CSMD1: variants seen among roughly 807,000 people sequenced by gnomAD.
CSMD1 encodes the protein CUB and Sushi multiple domains 1.
A neutral mutation model predicts 417.5 loss-of-function variants in CSMD1; 213 were observed. The ratio of observed to expected loss-of-function variants is 0.51; its 90% confidence interval spans 0.46 to 0.57. The LOEUF is 0.57. Ranked by LOEUF, CSMD1 falls within the 20% of genes least tolerant of loss-of-function variation. CSMD1 has a pLI of 0.00. For missense variants in CSMD1, 6,923 were observed against 4,529.7 expected, an observed-to-expected ratio of 1.53 and a Z score of -15.17; for synonymous variants, 2,862 against 1,736.8, an observed-to-expected ratio of 1.65 and a Z score of -16.11.
chr8:4,605,021 C>T (rs540111954), intron 2 of CSMD1, among the ~76,000 whole-genome samples: 3 of 152,130 alleles, frequency 2.0e-5, no homozygotes, highest in Non-Finnish European at 2.9e-5. Context: ...AAAGCAACAA[C>T]CCCCATGATA....
rs2117163797 is a variant in CSMD1 at position 3,615,816 on chromosome 8, C to T, written c.1097+894G>A. Among the ~76,000 whole-genome samples the T allele has an allele frequency of 1.3e-5, 2 of 152,176 alleles. 1 individual carries two copies. Among genetic ancestry groups the T allele is most frequent in the South Asian group, 4.1e-4 (2 of 4,824 alleles). On this transcript the variant is annotated intron_variant, in intron 8 of 69. Coordinates refer to ENST00000635120, the MANE Select transcript of CSMD1 (RefSeq NM_033225.6). Reference sequence around the variant, plus strand: ...AAGGAAAAACACATATCTTGTTTCTCTTTACTATTTTATTTTACAGCTGCT... The same window carrying T: ...AAGGAAAAACACATATCTTGTTTCTTTTTACTATTTTATTTTACAGCTGCT...
At chr8:2,995,902 G>C (rs1051172454) in intron 54 of CSMD1, among the ~76,000 whole-genome samples, 1 of 152,162 alleles carries the variant, frequency 6.6e-6, no homozygotes, top group Non-Finnish European at 1.5e-5. Context: ...TTAAGAATGA[G>C]GTTGGGATGC....
intron 7 of CSMD1, among the ~76,000 whole-genome samples, chr8:3,636,460 G>A (rs979115314): frequency 5.3e-5 from 8 of 152,136 alleles, no homozygotes; most frequent in African/African-American, 1.9e-4. Flanking sequence ...TTACAGGTGT[G>A]AGCCACCTCT....
At chr8:3,312,345 T>G (rs998010689) in intron 23 of CSMD1, among the ~76,000 whole-genome samples, 1 of 152,248 alleles carries the variant, frequency 6.6e-6, no homozygotes, top group African/African-American at 2.4e-5. Flanking sequence ...TTCTTGTTTT[T>G]GCAAAAGATC....
intron 1 of CSMD1, among the ~76,000 whole-genome samples, chr8:4,966,170 C>A (rs1476682643): frequency 7.2e-6 from 1 of 139,228 alleles, no homozygotes; most frequent in African/African-American, 2.8e-5. Flanking sequence ...TCCAGACCAG[C>A]TTGGCTAACA....
In CSMD1 at chr8:3,265,705, G is replaced by GT. The variant is rs1435317467; in HGVS notation, c.4153+18438dup. Among the ~76,000 whole-genome samples the GT allele has an allele frequency of 2.6e-5, 4 of 152,196 alleles. No homozygotes were observed. The East Asian group carries it at 5.8e-4, about 22-fold the overall frequency. On this transcript the variant is annotated intron_variant, in intron 26 of 69. Coordinates refer to ENST00000635120, the MANE Select transcript of CSMD1 (RefSeq NM_033225.6). ...CTAATATAAGTGAGAATCTGAAGAG[G>GT]TTTTTTTCTCAAAGCAGGGCCCTAG...
chr8:4,610,679 G>C (rs1475284834), intron 2 of CSMD1, among the ~76,000 whole-genome samples: 5 of 152,146 alleles, frequency 3.3e-5, no homozygotes, highest in Non-Finnish European at 7.4e-5. Flanking sequence ...GAATTAGTTT[G>C]TTATTCTTTC....
At chr8:4,205,015 C>T (rs1408489079) in intron 3 of CSMD1, among the ~76,000 whole-genome samples, 1 of 152,234 alleles carries the variant, frequency 6.6e-6, no homozygotes, top group East Asian at 1.9e-4. Flanking sequence ...TTTTCTTTCT[C>T]ATGTATTCAA....
intron 7 of CSMD1, among the ~76,000 whole-genome samples, chr8:3,682,435 G>A (rs1199741702): frequency 1.3e-5 from 2 of 152,148 alleles, no homozygotes; most frequent in African/African-American, 2.4e-5. Flanking sequence ...ACAGACACAT[G>A]AAAAAATGCT....
chr8:3,501,142 C>T (rs1256182094), intron 10 of CSMD1, among the ~76,000 whole-genome samples: 1 of 152,062 alleles, frequency 6.6e-6, no homozygotes, highest in African/African-American at 2.4e-5. Flanking sequence ...TGGGTCCATT[C>T]AAATAGAGAG....
chr8:4,272,633 A>T (rs534380105), intron 3 of CSMD1, among the ~76,000 whole-genome samples: 1 of 152,284 alleles, frequency 6.6e-6, no homozygotes, highest in South Asian at 2.1e-4. Context: ...ATTAGGTGAG[A>T]AATAATTGCA....
At chr8:3,772,968 T>G (rs974166575) in intron 5 of CSMD1, among the ~76,000 whole-genome samples, 1 of 152,072 alleles carries the variant, frequency 6.6e-6, no homozygotes, top group Non-Finnish European at 1.5e-5. Context: ...AAGGTGCCAG[T>G]GGATCCCACT....
intron 2 of CSMD1, among the ~76,000 whole-genome samples, chr8:4,612,701 C>G (rs1585330356): frequency 6.6e-6 from 1 of 152,300 alleles, no homozygotes; most frequent in East Asian, 1.9e-4. Flanking sequence ...CCCTGCCACT[C>G]TCAGGGTATG....
chr8:2,978,818 T>G lies in CSMD1; in HGVS notation c.8378-18A>C. ...GTTCACCACTAGAAAATAAAACATT[T>G]CACACACCATTTAGAAACAGCTAGA... On this transcript the variant is annotated intron_variant, in intron 54 of 69. Coordinates refer to ENST00000635120, the MANE Select transcript of CSMD1 (RefSeq NM_033225.6). The G allele has an allele frequency of 1.3e-6, 2 of 1,572,302 alleles. No individual in the cohort carries two copies. The highest frequency in any genetic ancestry group is 1.7e-6 in the Non-Finnish European group (2 of 1,159,046).
intron 39 of CSMD1, among the ~76,000 whole-genome samples, chr8:3,156,644 T>C (rs1585504345): frequency 6.6e-6 from 1 of 152,160 alleles, no homozygotes; most frequent in South Asian, 2.1e-4. Flanking sequence ...CTCCAATAAA[T>C]ATTTTAATGC....
At chr8:4,337,358 C>A (rs1294195827) in intron 3 of CSMD1, among the ~76,000 whole-genome samples, 1 of 152,024 alleles carries the variant, frequency 6.6e-6, no homozygotes, top group African/African-American at 2.4e-5. Flanking sequence ...TTGCAAACTT[C>A]CACCTAAGTC....
intron 3 of CSMD1, among the ~76,000 whole-genome samples, chr8:4,178,995 A>C (rs1364161945): frequency 6.6e-6 from 1 of 152,208 alleles, no homozygotes; most frequent in Non-Finnish European, 1.5e-5. Context: ...GAAAATGGCC[A>C]TACTGCCCAA....
At chr8:3,308,557 T>TAAAACAGAGATGAAACAAACAAG (rs1584972130) in intron 23 of CSMD1, 54 bp from the exon 24 acceptor site, 2 of 1,443,130 alleles carry the variant, frequency 1.4e-6, no homozygotes, top group East Asian at 4.7e-5. Context: ...ACATCTGCCT[T>TAAAACAGAGATGAAACAAACAAG]AAAACAGAGA....
intron 1 of CSMD1, among the ~76,000 whole-genome samples, chr8:4,655,377 A>G (rs909644632): frequency 2.6e-5 from 4 of 152,102 alleles, no homozygotes; most frequent in Non-Finnish European, 5.9e-5. Flanking sequence ...CAGGAGACCA[A>G]ACAAAACTAA....
Sources: gnomAD v4.1 joint callset for allele counts (sites outside exome capture counted in the v4.1 genomes callset) on GRCh38, gnomAD v4.1.1 for gene constraint, MANE v1.5 for transcripts, NCBI Gene and HGNC (gene_info 2026-07-23, HGNC 2026-07-21) for gene names.